TSBP1: variants seen among roughly 807,000 people sequenced by gnomAD.
TSBP1 encodes testis-expressed basic protein 1.
Under a neutral mutation model 68.8 loss-of-function variants are expected in TSBP1, and 56 were observed. The ratio of observed to expected loss-of-function variants is 0.81; its 90% CI spans 0.66 to 1.02. TSBP1 has a LOEUF of 1.02. Among genes scored for constraint, TSBP1 ranks in the 50% least tolerant of loss-of-function variants. The pLI is 0.00. For synonymous variants in TSBP1, 171 were observed against 208.7 expected (o/e 0.82, Z 1.56); for missense variants, 502 against 641.2 (o/e 0.78, Z 2.34).
chr6:32,329,028 A>G (rs564341590), intron 16 of TSBP1, among the ~76,000 whole-genome samples: 1 of 152,290 alleles, frequency 6.6e-6, no homozygotes, highest in Admixed American at 6.5e-5. Context: ...ATTGACTTGA[A>G]AAGCTTTCTT....
chr6:32,330,746 C>T (rs1768914561), intron 15 of TSBP1, 137 bp from the exon 17 acceptor site: 1 of 1,015,884 alleles, frequency 9.8e-7, no homozygotes, highest in African/African-American at 1.7e-5. Flanking sequence ...TCTTGGCTCA[C>T]TGCAACCTCC....
At chr6:32,332,674 A>G (rs924359020) in intron 14 of TSBP1, among the ~76,000 whole-genome samples, 34 of 152,006 alleles carry the variant, frequency 2.2e-4, no homozygotes, top group African/African-American at 8.2e-4. Flanking sequence ...CAGTGGTGCA[A>G]TCCTAGCTCA....
intron 9 of TSBP1, among the ~76,000 whole-genome samples, chr6:32,341,821 A>T (rs866052908): frequency 6.6e-6 from 1 of 152,190 alleles, no homozygotes; most frequent in Non-Finnish European, 1.5e-5. Flanking sequence ...GAAATATGAT[A>T]TATTTAATTC....
At chr6:32,322,878 C>T (rs1767784056) in intron 18 of TSBP1, among the ~76,000 whole-genome samples, 1 of 151,328 alleles carries the variant, frequency 6.6e-6, no homozygotes, top group Admixed American at 6.7e-5. Flanking sequence ...TCATCTCTCT[C>T]TCTCTTTCTC....
rs1773647829 is a variant in TSBP1 at position 32,365,922 on chromosome 6, C to G, written c.217+245G>C. 9.8e-6 allele frequency: 6 copies of G among 613,418 alleles called. No homozygotes were observed. Among genetic ancestry groups the G allele is most frequent in the African/African-American group, 1.8e-5 (1 of 55,612 alleles). 38.0% of individuals were successfully genotyped at this position (613,418 alleles called of 1,614,324 possible). On this transcript the variant is annotated intron_variant, in intron 6 of 22. Transcript: ENST00000612031. This position sits in a 1 kb window ranked among gnomAD's most constrained non-coding sequence, Gnocchi z 4.3. ...TCCTATTCTACTATTTTGCTGATGC[C>G]TTTCTCTCATATTACTTTTGTTAAA...
At chr6:32,311,215 TTTGA>T (rs1430097834) in intron 19 of TSBP1, among the ~76,000 whole-genome samples, 1 of 152,222 alleles carries the variant, frequency 6.6e-6, no homozygotes, top group Non-Finnish European at 1.5e-5. Context: ...TACATATACC[TTTGA>T]TTATCTAATT....
intron 18 of TSBP1, among the ~76,000 whole-genome samples, chr6:32,320,882 T>C (rs1406783168): frequency 6.6e-6 from 1 of 152,136 alleles, no homozygotes; most frequent in Non-Finnish European, 1.5e-5. Flanking sequence ...TTCCCCTCTG[T>C]GTGTCCATGT....
At position 32,336,679 on chromosome 6, in the gene TSBP1, A is replaced by AT; in HGVS notation, c.410-45dup. ...GAAAGTGTGGTTTGACATTAATAGA[A>AT]TTTTCATTTTACCAGTATTGTTTCT... On this transcript the variant is annotated intron_variant, in intron 11 of 22. Transcript: ENST00000612031. This position sits in a 1 kb window ranked among gnomAD's most constrained non-coding sequence, Gnocchi z 5.2. 1 of 1,578,692 alleles carries AT rather than the reference A, an allele frequency of 6.3e-7. No individual in the cohort carries two copies. The highest frequency in any genetic ancestry group is 8.7e-7 in the Non-Finnish European group (1 of 1,149,188).
In TSBP1 at chr6:32,335,903, C is replaced by T. The variant is rs759183776; in HGVS notation, c.451+9G>A. 2 of 1,605,866 alleles carry T rather than the reference C, an allele frequency of 1.2e-6. No individual in the cohort carries two copies. On this transcript the variant is annotated intron_variant, in intron 13 of 22. Coordinates refer to ENST00000612031, the Ensembl canonical transcript of TSBP1. This position sits in a 1 kb window ranked among gnomAD's most constrained non-coding sequence, Gnocchi z 5.5. Reference sequence around the variant, plus strand: ...ATGCTCACTGTGGAGAATCAGAGAGCAAACTTACTGATAGGTCCTGTAGCT... The same window carrying T: ...ATGCTCACTGTGGAGAATCAGAGAGTAAACTTACTGATAGGTCCTGTAGCT...
At chr6:32,300,576 C>A in intron 21 of TSBP1, 104 bp downstream of exon 24, 1 of 902,854 alleles carries the variant, frequency 1.1e-6, no homozygotes, top group South Asian at 1.4e-5. Flanking sequence ...GAAATATTGA[C>A]TGCTGTAAGG....
intron 22 of TSBP1, among the ~76,000 whole-genome samples, chr6:32,298,089 C>G (rs114460552): frequency 0.046 from 7,011 of 151,968 alleles, 366 homozygotes; most frequent in African/African-American, 0.13. Context: ...TCTCAGAGCC[C>G]TTGTATTAGT....
chr6:32,339,754 GGTTAAAGA>G, intron 9 of TSBP1, 116 bp from the exon 11 acceptor site: 1 of 539,342 alleles, frequency 1.9e-6, no homozygotes, highest in Non-Finnish European at 3.4e-6. Flanking sequence ...ACAGTCTTGA[GGTTAAAGA>G]GCTGAGTCCG....
chr6:32,305,035 C>T (rs1021520660), intron 19 of TSBP1, among the ~76,000 whole-genome samples: 2 of 152,200 alleles, frequency 1.3e-5, no homozygotes. Flanking sequence ...ACAACTGTTT[C>T]AGCACTGACT....
chr6:32,358,169 C>T (rs970109816), intron 6 of TSBP1, among the ~76,000 whole-genome samples: 2 of 152,118 alleles, frequency 1.3e-5, no homozygotes, highest in Non-Finnish European at 2.9e-5. Flanking sequence ...TAATTCTCCT[C>T]CCTTCTTATA....
Position 32,325,325 on chromosome 6 carries a change from AG to A in TSBP1, c.515-1712del. 8.3e-7 allele frequency: 1 copy of A among 1,205,634 alleles called. No individual in the cohort carries two copies. Among genetic ancestry groups the A allele is most frequent in the Non-Finnish European group, 1.2e-6 (1 of 828,514 alleles). 74.7% of individuals were successfully genotyped at this position (1,205,634 alleles called of 1,614,324 possible). The stretch of plus-strand genomic sequence containing the variant: ...GAGAGCCTGAGGAGCCATTTTGAGC[AG>A]TGAGGGACACTCCCGGACAGTGTGG... On this transcript the variant is annotated intron_variant, in intron 16 of 22. Transcript: ENST00000612031. This position sits in a 1 kb window ranked among gnomAD's most constrained non-coding sequence, Gnocchi z 4.4.
chr6:32,293,934 C>T, exon 23 of TSBP1: 2 of 1,612,492 alleles, frequency 1.2e-6, no homozygotes, highest in Non-Finnish European at 1.7e-6. Context: ...TTGTTTTCTT[C>T]TCGGCTATTC....
chr6:32,313,424 A>G (rs2021905), intron 19 of TSBP1, among the ~76,000 whole-genome samples: 10,446 of 152,074 alleles, frequency 0.069, 104 homozygotes, highest in East Asian at 0.17. Context: ...TATTTTTAAA[A>G]TGCATTAATA....
At chr6:32,341,117 GA>G (rs1770299023) in intron 9 of TSBP1, among the ~76,000 whole-genome samples, 2 of 152,136 alleles carry the variant, frequency 1.3e-5, no homozygotes, top group African/African-American at 4.8e-5. Flanking sequence ...TTCTTGAACT[GA>G]GTATTTTGTG....
chr6:32,317,819 G>A (rs9296020), intron 18 of TSBP1, among the ~76,000 whole-genome samples: 4,543 of 152,254 alleles, frequency 0.03, 146 homozygotes, highest in East Asian at 0.088. Flanking sequence ...ATACTGGGGA[G>A]GCTGTGGAGA....
Sources: allele counts gnomAD v4.1 joint callset (sites outside exome capture counted in the v4.1 genomes callset), GRCh38; gene constraint gnomAD v4.1.1; non-coding constraint Gnocchi (gnomAD v3.1); transcripts MANE v1.5; gene names NCBI Gene and HGNC (gene_info 2026-07-23, HGNC 2026-07-21).